ESYT2: variants seen among roughly 807,000 people sequenced by gnomAD.
ESYT2 encodes extended synaptotagmin 2.
Under a neutral mutation model 107.2 loss-of-function variants are expected in ESYT2, and 54 were observed. The ratio of observed to expected loss-of-function variants is 0.50; its 90% CI spans 0.40 to 0.63. The LOEUF (loss-of-function observed/expected upper bound fraction) is 0.63, where lower values mean the gene tolerates loss of function less well. Ranked by LOEUF, ESYT2 falls within the 30% of genes least tolerant of loss-of-function variation. The pLI is 0.00. For missense variants in ESYT2, 1,020 were observed against 1,094.5 expected, an observed-to-expected ratio of 0.93 and a Z score of 0.96; for synonymous variants, 491 against 434.1, an observed-to-expected ratio of 1.13 and a Z score of -1.63.
At position 158,761,535 on chromosome 7, in the gene ESYT2, A is replaced by G. The variant is rs372172200; in HGVS notation, c.1194T>C (p.Ile398=). ...DKDDFLGSLM[I]DLIEVEKERL... ...GCTCCTTTTCAACTTCAATGAGGTC[A>G]ATCATAAGACTATAAAAATAACAAT... The change falls in exon 11 of 23, where the codon ATT becomes ATC. Residue 398 remains isoleucine, a synonymous_variant. Coordinates refer to ENST00000275418, the MANE Select transcript of ESYT2 (RefSeq NM_001367773.1). 3.1e-6 allele frequency: 5 copies of G among 1,613,752 alleles called. No individual in the cohort carries two copies. The highest frequency in any genetic ancestry group is 1.3e-5 in the African/African-American group (1 of 74,914).
chr7:158,800,193 C>A (rs561343843), intron 1 of ESYT2, among the ~76,000 whole-genome samples: 1 of 151,370 alleles, frequency 6.6e-6, no homozygotes, highest in African/African-American at 2.4e-5. Flanking sequence ...GGATTGCAGG[C>A]ACCTACCACC....
In ESYT2 at chr7:158,773,168, A is replaced by G. The variant is rs1838435288; in HGVS notation, c.803+173T>C. ...CCATCGCCTCCCAGCAGCTCCCGGC[A>G]GGCAGAACAAAGCCCCTGTACCCTC... On this transcript the variant is annotated intron_variant, in intron 7 of 22. Coordinates refer to ENST00000275418, the MANE Select transcript of ESYT2 (RefSeq NM_001367773.1). 2.0e-5 allele frequency among the ~76,000 whole-genome samples: 3 copies of G among 152,050 alleles called. No homozygotes were observed. The South Asian group carries it at 6.2e-4, about 32-fold the overall frequency.
At chr7:158,787,065 A>T (rs1451051436) in intron 6 of ESYT2, among the ~76,000 whole-genome samples, 4 of 152,200 alleles carry the variant, frequency 2.6e-5, no homozygotes, top group African/African-American at 4.8e-5. Context: ...CACCTGGAGA[A>T]GATGACCAGG....
chr7:158,821,717 A>T (rs1049424715), intron 1 of ESYT2, among the ~76,000 whole-genome samples: 3 of 152,160 alleles, frequency 2.0e-5, no homozygotes, highest in Admixed American at 6.5e-5. Context: ...GTAAGTCCCA[A>T]GCTGAGTGCA....
intron 3 of ESYT2, among the ~76,000 whole-genome samples, chr7:158,795,191 C>A (rs1306388317): frequency 2.0e-5 from 3 of 152,196 alleles, no homozygotes; most frequent in Admixed American, 1.3e-4. Flanking sequence ...GCACAGGACT[C>A]CACATGCCAT....
At chr7:158,823,926 C>T (rs1260753271) in intron 1 of ESYT2, among the ~76,000 whole-genome samples, 1 of 152,108 alleles carries the variant, frequency 6.6e-6, no homozygotes, top group Non-Finnish European at 1.5e-5. Flanking sequence ...ATTTATATTT[C>T]AGTCCTAGCT....
At chr7:158,786,767 T>C (rs1449158603) in intron 6 of ESYT2, among the ~76,000 whole-genome samples, 2 of 152,194 alleles carry the variant, frequency 1.3e-5, no homozygotes, top group African/African-American at 4.8e-5. Flanking sequence ...ATTATATGAA[T>C]TAATATTCCT....
chr7:158,735,416 C>A, intron 21 of ESYT2, 87 bp downstream of exon 21: 1 of 1,125,690 alleles, frequency 8.9e-7, no homozygotes, highest in Non-Finnish European at 1.3e-6. Context: ...CTTCCACTTA[C>A]ACAGACATGG....
intron 1 of ESYT2, among the ~76,000 whole-genome samples, chr7:158,818,276 C>G (rs1288034932): frequency 6.6e-6 from 1 of 152,094 alleles, no homozygotes; most frequent in African/African-American, 2.4e-5. Flanking sequence ...GTCCTTGGAA[C>G]AATATTTGTT....
At position 158,763,157 on chromosome 7, in the gene ESYT2, C is replaced by T. The variant is rs28539211; in HGVS notation, c.1110G>A (p.Val370=). ...CTAATTCTTGTCCAGGATGTTCATACACTAAAGCCTAAAACATCAATGGTT... is the reference window on the plus strand; with the variant it reads ...CTAATTCTTGTCCAGGATGTTCATATACTAAAGCCTAAAACATCAATGGTT... ...PKWNEVYEAL[V]YEHPGQELEI... The change falls in exon 10 of 23, where the codon GTG becomes GTA. Residue 370 remains valine (V), a synonymous_variant. Transcript: ENST00000275418. 3.5e-3 allele frequency: 5,676 copies of T among 1,612,374 alleles called. 146 individuals carry two copies. The African/African-American group carries it at 0.061, about 17-fold the overall frequency.
intron 13 of ESYT2, among the ~76,000 whole-genome samples, chr7:158,758,818 T>A (rs1837857471): frequency 6.6e-6 from 1 of 152,214 alleles, no homozygotes; most frequent in Admixed American, 6.5e-5. Flanking sequence ...CCTCACAAGA[T>A]GGAATTAGTA....
chr7:158,765,173 C>T (rs557577849), intron 8 of ESYT2, among the ~76,000 whole-genome samples: 20 of 152,170 alleles, frequency 1.3e-4, no homozygotes, highest in Admixed American at 7.2e-4. Context: ...GAGCGCGCTC[C>T]TGGCAGAGGG....
At chr7:158,790,072 C>T (rs1474357117) in intron 4 of ESYT2, among the ~76,000 whole-genome samples, 1 of 152,124 alleles carries the variant, frequency 6.6e-6, no homozygotes, top group Non-Finnish European at 1.5e-5. Context: ...GCGGAGCGTC[C>T]TCCTGGGGCA....
At chr7:158,785,894 T>C (rs893992879) in intron 6 of ESYT2, among the ~76,000 whole-genome samples, 6 of 152,212 alleles carry the variant, frequency 3.9e-5, no homozygotes, top group African/African-American at 1.4e-4. Context: ...TAAGGGTTTC[T>C]AAATCATCCA....
chr7:158,780,089 G>C (rs1284078150), intron 6 of ESYT2, among the ~76,000 whole-genome samples: 1 of 152,102 alleles, frequency 6.6e-6, no homozygotes, highest in Non-Finnish European at 1.5e-5. Flanking sequence ...AAACTTTAAA[G>C]TACAATTTGG....
intron 14 of ESYT2, among the ~76,000 whole-genome samples, chr7:158,750,626 T>G (rs1837552355): frequency 6.6e-6 from 1 of 152,244 alleles, no homozygotes; most frequent in South Asian, 2.1e-4. Flanking sequence ...TTCATCTTTC[T>G]GATGTGAATG....
Position 158,829,069 on chromosome 7 carries a change from G to A in ESYT2, c.330+20C>T. The A allele has an allele frequency of 8.9e-6, 14 of 1,578,220 alleles. No homozygotes were observed. Among genetic ancestry groups the A allele is most frequent in the Non-Finnish European group, 1.2e-5 (14 of 1,171,930 alleles). On this transcript the variant is annotated intron_variant, in intron 1 of 22. Coordinates refer to ENST00000275418, the MANE Select transcript of ESYT2 (RefSeq NM_001367773.1). ...GGGACTGGTGGTCAGGGGTCGGGAC[G>A]GGCAGGGGTCTGCACTCACCCAGGC...
chr7:158,822,645 A>C (rs1019107145), intron 1 of ESYT2, among the ~76,000 whole-genome samples: 1 of 152,024 alleles, frequency 6.6e-6, no homozygotes, highest in African/African-American at 2.4e-5. Flanking sequence ...AAAAATAAAT[A>C]AAAATAAAGT....
chr7:158,757,098 G>A (rs758269284), intron 13 of ESYT2, among the ~76,000 whole-genome samples: 1 of 151,922 alleles, frequency 6.6e-6, no homozygotes, highest in Non-Finnish European at 1.5e-5. Flanking sequence ...AGGAATGGAG[G>A]ACCACTTCTC....
Sources: allele counts gnomAD v4.1 joint callset (sites outside exome capture counted in the v4.1 genomes callset), GRCh38; gene constraint gnomAD v4.1.1; transcripts MANE v1.5; gene names NCBI Gene and HGNC (gene_info 2026-07-23, HGNC 2026-07-21).